SOX5: variants seen among roughly 807,000 people sequenced by gnomAD.
The protein encoded by SOX5 is SRY-box transcription factor 5, also known as transcription factor SOX-5.
In SOX5, 9 loss-of-function variants were observed where a neutral mutation model predicts 92.0. The ratio of observed to expected loss-of-function variants is 0.10; its 90% CI spans 0.06 to 0.17. The LOEUF (loss-of-function observed/expected upper bound fraction) is 0.17, where lower values mean the gene tolerates loss of function less well. Among genes scored for constraint, SOX5 ranks in the 10% least tolerant of loss-of-function variants. The probability of loss-of-function intolerance (pLI) is 1.00; values close to 1 mark genes in which losing one functional copy is unlikely to be tolerated. For synonymous variants in SOX5, 344 were observed against 336.3 expected (o/e 1.02, Z -0.25); for missense variants, 642 against 944.5 (o/e 0.68, Z 4.20).
At chr12:24,410,020 CAG>C (rs1963785834) in intron 1 of SOX5, among the ~76,000 whole-genome samples, 1 of 149,110 alleles carries the variant, frequency 6.7e-6, no homozygotes, top group Admixed American at 6.7e-5. Context: ...TTTTTTTAAA[CAG>C]GGTCTCATTC....
chr12:24,036,001 TC>T, intron 4 of SOX5, among the ~76,000 whole-genome samples: 1 of 152,214 alleles, frequency 6.6e-6, no homozygotes, highest in East Asian at 1.9e-4. Context: ...GGTGTTTTTT[TC>T]ATACCAGGAG....
At chr12:24,199,285 C>T (rs1431994089) in intron 4 of SOX5, among the ~76,000 whole-genome samples, 1 of 152,154 alleles carries the variant, frequency 6.6e-6, no homozygotes, top group African/African-American at 2.4e-5. Flanking sequence ...CACTTCTCAC[C>T]ATTTTGCTCA....
intron 4 of SOX5, among the ~76,000 whole-genome samples, chr12:23,743,599 AG>A (rs1405452392): frequency 6.6e-6 from 1 of 152,120 alleles, no homozygotes; most frequent in Non-Finnish European, 1.5e-5. Context: ...TTTTGTATTT[AG>A]AAAATTTTTC....
At chr12:24,440,358 G>A (rs936867100) in intron 1 of SOX5, among the ~76,000 whole-genome samples, 13 of 152,014 alleles carry the variant, frequency 8.6e-5, no homozygotes, top group East Asian at 1.9e-4. Flanking sequence ...GGGTGGGAGC[G>A]GTCATAATTG....
chr12:24,119,709 C>A (rs1004031250), intron 4 of SOX5, among the ~76,000 whole-genome samples: 9 of 151,932 alleles, frequency 5.9e-5, no homozygotes, highest in African/African-American at 2.2e-4. Context: ...ATAATTTACA[C>A]AGAAAAAAGG....
At chr12:23,589,388 G>T (rs1951200607) in intron 9 of SOX5, among the ~76,000 whole-genome samples, 1 of 151,888 alleles carries the variant, frequency 6.6e-6, no homozygotes, top group Admixed American at 6.6e-5. Context: ...CTCACTTAAA[G>T]ATGTATTCAC....
At chr12:23,702,460 G>C (rs2090792035) in intron 6 of SOX5, among the ~76,000 whole-genome samples, 3 of 152,100 alleles carry the variant, frequency 2.0e-5, no homozygotes, top group Admixed American at 1.3e-4. Context: ...ACCAAATGAA[G>C]CTATTTGTTC....
intron 3 of SOX5, among the ~76,000 whole-genome samples, chr12:23,782,661 T>C (rs1248923007): frequency 6.6e-6 from 1 of 152,188 alleles, no homozygotes; most frequent in Non-Finnish European, 1.5e-5. Flanking sequence ...TTTGTTCTAC[T>C]AACACGCTTA....
chr12:24,346,305 C>T (rs1953236856), intron 2 of SOX5, among the ~76,000 whole-genome samples: 1 of 152,036 alleles, frequency 6.6e-6, no homozygotes, highest in South Asian at 2.1e-4. Context: ...CCTTGAATAG[C>T]AGGGAAAAAT....
At chr12:24,191,734 T>C (rs1956546998) in intron 4 of SOX5, among the ~76,000 whole-genome samples, 1 of 152,214 alleles carries the variant, frequency 6.6e-6, no homozygotes, top group Non-Finnish European at 1.5e-5. Flanking sequence ...ACAGGTATTT[T>C]CAGATAACTA....
chr12:24,030,906 A>G (rs571921253), intron 4 of SOX5, among the ~76,000 whole-genome samples: 13 of 152,088 alleles, frequency 8.5e-5, no homozygotes, highest in Non-Finnish European at 1.3e-4. Context: ...ATTTCTTAAA[A>G]GAACACATGC....
chr12:24,424,449 G>A (rs1468483593), intron 1 of SOX5, among the ~76,000 whole-genome samples: 1 of 151,882 alleles, frequency 6.6e-6, no homozygotes, highest in South Asian at 2.1e-4. Flanking sequence ...TGCCATAATT[G>A]TTAGTTTTTA....
chr12:23,784,401 A>T (rs575800618), intron 3 of SOX5, among the ~76,000 whole-genome samples: 1 of 152,158 alleles, frequency 6.6e-6, no homozygotes, highest in African/African-American at 2.4e-5. Flanking sequence ...ATCTCTGCTC[A>T]CTGCAGGTTC....
intron 3 of SOX5, among the ~76,000 whole-genome samples, chr12:23,834,117 T>C (rs112828898): frequency 0.012 from 1,762 of 152,034 alleles, 19 homozygotes; most frequent in Non-Finnish European, 0.018. Context: ...CTGACAAAGT[T>C]GTTTGAGGAT....
chr12:24,219,808 T>C (rs183074595), intron 3 of SOX5, among the ~76,000 whole-genome samples: 11 of 152,264 alleles, frequency 7.2e-5, no homozygotes, highest in African/African-American at 2.4e-4. Flanking sequence ...ATTCATCTGT[T>C]CATTTACTCA....
At chr12:23,734,800 G>A (rs150680915) in intron 5 of SOX5, 48 bp from the exon 6 acceptor site, 45 of 1,449,688 alleles carry the variant, frequency 3.1e-5, no homozygotes, top group Middle Eastern at 1.7e-4. Context: ...TTGTAGTCCC[G>A]GAGGGAAGTT....
At chr12:24,354,542 C>A (rs148818871) in intron 2 of SOX5, among the ~76,000 whole-genome samples, 27 of 152,350 alleles carry the variant, frequency 1.8e-4, no homozygotes, top group African/African-American at 6.0e-4. Flanking sequence ...TGGAGCAGAG[C>A]AGCTGCTTGG....
rs148703724 is a variant in SOX5, at chr12:23,783,580, C to G, written c.482-27856G>C. On this transcript the variant is annotated intron_variant, in intron 3 of 14. Transcript: ENST00000451604. The stretch of plus-strand genomic sequence containing the variant: ...AATATGAAAAACTCTTGTCTAGAAG[C>G]CTTTATTTTTTGTTCTAGCAAACAG... Among the ~76,000 whole-genome samples the G allele has an allele frequency of 9.2e-3, 1,407 of 152,130 alleles. 24 individuals are homozygous for G. The highest frequency in any genetic ancestry group is 0.032 in the African/African-American group (1,341 of 41,514).
At position 23,900,874 on chromosome 12, in the gene SOX5, C is replaced by T. The variant is rs368465646; in HGVS notation, c.39-4850G>A. Reference sequence around the variant, plus strand: ...ACTTGGGAGGCTGAGGCAGGGGAATCACTTGAACCTGGGAAGCGGAGGTTG... The same window carrying T: ...ACTTGGGAGGCTGAGGCAGGGGAATTACTTGAACCTGGGAAGCGGAGGTTG... On this transcript the variant is annotated intron_variant, in intron 1 of 14. Transcript: ENST00000451604. Among the ~76,000 whole-genome samples the T allele has an allele frequency of 6.6e-5, 10 of 152,124 alleles. No individual in the cohort carries two copies. In the East Asian group the frequency reaches 1.6e-3, roughly 24 times the overall value.
Sources: allele counts gnomAD v4.1 joint callset (sites outside exome capture counted in the v4.1 genomes callset), GRCh38; gene constraint gnomAD v4.1.1; transcripts MANE v1.5; gene names NCBI Gene and HGNC (gene_info 2026-07-23, HGNC 2026-07-21).